Variants in NCALD observed in about 807,000 individuals in gnomAD.
NCALD encodes neurocalcin delta.
Under a neutral mutation model 18.6 loss-of-function variants are expected in NCALD, and 10 were observed. That is an observed-to-expected ratio of 0.54 (90% confidence interval 0.33 to 0.91). The LOEUF (loss-of-function observed/expected upper bound fraction) is 0.91, where lower values mean the gene tolerates loss of function less well. Ranked by LOEUF, NCALD falls within the 40% of genes least tolerant of loss-of-function variation. The pLI, the probability that NCALD is intolerant of heterozygous loss-of-function variation, is 0.03. For synonymous variants in NCALD, 88 were observed against 87.4 expected, an observed-to-expected ratio of 1.01 and a Z score of -0.04; for missense variants, 184 against 247.6, an observed-to-expected ratio of 0.74 and a Z score of 1.72.
intron 4 of NCALD, among the ~76,000 whole-genome samples, chr8:101,799,858 T>A (rs1332421679): frequency 6.6e-6 from 1 of 152,214 alleles, no homozygotes; most frequent in Non-Finnish European, 1.5e-5. Context: ...CTTGACTGTA[T>A]CAATATCAAT....
At chr8:101,989,112 T>C (rs1820947255) in intron 2 of NCALD, among the ~76,000 whole-genome samples, 1 of 152,202 alleles carries the variant, frequency 6.6e-6, no homozygotes. Context: ...GGTGCTCTAC[T>C]GGGACTGAAC....
chr8:102,104,788 G>A (rs1444414613), intron 1 of NCALD, among the ~76,000 whole-genome samples: 1 of 152,196 alleles, frequency 6.6e-6, no homozygotes, highest in East Asian at 1.9e-4. Flanking sequence ...ATGCATGTGT[G>A]GGGAGTGGAA....
rs186109528 is a variant in NCALD at position 101,980,114 on chromosome 8, T to C, written c.-157+40123A>G. ...TCAGCCTTGGCATCCCTGGAAGCCA[T>C]GTACAGTGGCCAGGACAACAAAAGT... On this transcript the variant is annotated intron_variant, in intron 2 of 6. Transcript: ENST00000311028. 3.5e-3 allele frequency among the ~76,000 whole-genome samples: 538 copies of C among 152,204 alleles called. 4 individuals carry two copies. Among genetic ancestry groups the C allele is most frequent in the African/African-American group, 0.012 (497 of 41,516 alleles).
At chr8:102,076,576 C>A (rs1400992745) in intron 1 of NCALD, among the ~76,000 whole-genome samples, 1 of 149,862 alleles carries the variant, frequency 6.7e-6, no homozygotes, top group Non-Finnish European at 1.5e-5. Flanking sequence ...AATAGAAGCT[C>A]AAAATGACTC....
intron 1 of NCALD, among the ~76,000 whole-genome samples, chr8:102,106,466 TACACAC>T (rs398009101): frequency 1.4e-4 from 20 of 139,106 alleles, no homozygotes; most frequent in African/African-American, 4.8e-4. Context: ...TATATATATA[TACACAC>T]ACACACACAC....
intron 3 of NCALD, among the ~76,000 whole-genome samples, chr8:101,905,240 C>A (rs533209675): frequency 1.3e-5 from 2 of 151,852 alleles, no homozygotes; most frequent in South Asian, 4.2e-4. Flanking sequence ...CAGATAATTC[C>A]CAAATCTTTA....
chr8:101,806,257 T>C (rs1027668015), intron 4 of NCALD, among the ~76,000 whole-genome samples: 3 of 152,080 alleles, frequency 2.0e-5, no homozygotes, highest in Non-Finnish European at 4.4e-5. Context: ...CAAATTCCTA[T>C]ACTATATTAC....
At chr8:101,999,073 CAAAAAAAAAAA>C (rs34227411) in intron 2 of NCALD, among the ~76,000 whole-genome samples, 3 of 79,372 alleles carry the variant, frequency 3.8e-5, no homozygotes, top group Non-Finnish European at 4.9e-5. Flanking sequence ...CACTCACCAT[CAAAAAAAAAAA>C]AAAAAAAAAA....
At chr8:101,992,019 C>T (rs529979326) in intron 2 of NCALD, among the ~76,000 whole-genome samples, 38 of 152,338 alleles carry the variant, frequency 2.5e-4, no homozygotes, top group African/African-American at 8.7e-4. Context: ...GCTAAAGTAT[C>T]TGGCTTCATT....
chr8:101,988,461 C>G (rs1374130791), intron 2 of NCALD, among the ~76,000 whole-genome samples: 1 of 152,170 alleles, frequency 6.6e-6, no homozygotes, highest in African/African-American at 2.4e-5. Flanking sequence ...GAGAAACTTA[C>G]TTGAAACATT....
chr8:101,911,347 CTTTT>C (rs923592706), intron 3 of NCALD, among the ~76,000 whole-genome samples: 4 of 144,876 alleles, frequency 2.8e-5, no homozygotes, highest in Admixed American at 6.8e-5. Flanking sequence ...TTTCTCTTTT[CTTTT>C]TTTTCTTTTC....
chr8:101,689,053 T>C lies in NCALD; in HGVS notation c.*256A>G. On this transcript the variant is annotated 3_prime_UTR_variant, in exon 4 of 4. Transcript: ENST00000220931. This position sits in a 1 kb window ranked among gnomAD's most constrained non-coding sequence, Gnocchi z 4.4. The stretch of plus-strand genomic sequence containing the variant: ...ACATTAGAATAAAAAAAAATAATAG[T>C]AACGATTAAAAATCATCAAACAATG... 2 of 701,000 alleles carry C rather than the reference T, an allele frequency of 2.9e-6. No individual in the cohort carries two copies. The highest frequency in any genetic ancestry group is 1.5e-5 in the South Asian group (1 of 67,134). The allele number at this position is 701,000 out of a possible 1,614,324, so 43.4% of individuals were successfully genotyped here.
At chr8:102,028,374 A>C (rs1822537444) in intron 1 of NCALD, among the ~76,000 whole-genome samples, 3 of 152,216 alleles carry the variant, frequency 2.0e-5, no homozygotes, top group Non-Finnish European at 4.4e-5. Flanking sequence ...AATAAAAAGG[A>C]ATGCAAATAA....
intron 1 of NCALD, among the ~76,000 whole-genome samples, chr8:101,729,958 C>T (rs1229475111): frequency 4.6e-5 from 7 of 151,884 alleles, no homozygotes; most frequent in South Asian, 4.2e-4. Context: ...TTTTGTTTTG[C>T]GGATTACCAA....
At chr8:102,061,006 G>C (rs80353442) in intron 1 of NCALD, among the ~76,000 whole-genome samples, 223 of 152,228 alleles carry the variant, frequency 1.5e-3, no homozygotes, top group African/African-American at 5.2e-3. Context: ...TGCTCTTTCA[G>C]ACTTAGAGAT....
chr8:101,981,442 C>A (rs912677455), intron 2 of NCALD, among the ~76,000 whole-genome samples: 1 of 152,146 alleles, frequency 6.6e-6, no homozygotes, highest in Non-Finnish European at 1.5e-5. Flanking sequence ...TAATTAAAAA[C>A]ATTTTATAAC....
At chr8:101,797,147 C>T (rs545650538) in intron 4 of NCALD, among the ~76,000 whole-genome samples, 81 of 152,344 alleles carry the variant, frequency 5.3e-4, no homozygotes, top group Admixed American at 4.0e-3. Flanking sequence ...ATCAGGACTT[C>T]CTGAGGCTGT....
chr8:101,832,381 C>T (rs1042381026), intron 4 of NCALD, among the ~76,000 whole-genome samples: 1 of 152,174 alleles, frequency 6.6e-6, no homozygotes, highest in Non-Finnish European at 1.5e-5. Context: ...GAACTTCTTC[C>T]TCTCCCATCA....
At chr8:101,860,206 CT>C (rs1456804658) in intron 4 of NCALD, among the ~76,000 whole-genome samples, 1 of 152,086 alleles carries the variant, frequency 6.6e-6, no homozygotes, top group African/African-American at 2.4e-5. Flanking sequence ...TAAAACTTAC[CT>C]CCAATACATG....
Sources: gnomAD v4.1 joint callset for allele counts (sites outside exome capture counted in the v4.1 genomes callset) on GRCh38, gnomAD v4.1.1 for gene constraint, Gnocchi (gnomAD v3.1) non-coding constraint, MANE v1.5 for transcripts, NCBI Gene and HGNC (gene_info 2026-07-23, HGNC 2026-07-21) for gene names.